VARS2: variants seen among roughly 807,000 people sequenced by gnomAD.
VARS2 encodes valine--tRNA ligase, mitochondrial.
Under a neutral mutation model 154.1 loss-of-function variants are expected in VARS2, and 105 were observed. The observed-to-expected ratio is 0.68, with a 90% confidence interval of 0.58 to 0.80. VARS2 has a LOEUF of 0.80. Among genes scored for constraint, VARS2 ranks in the 30% least tolerant of loss-of-function variants. The probability of loss-of-function intolerance (pLI) is 0.00; values close to 1 mark genes in which losing one functional copy is unlikely to be tolerated. For missense variants in VARS2, 1,157 were observed against 1,361.4 expected, an observed-to-expected ratio of 0.85 and a Z score of 2.36; for synonymous variants, 483 against 539.5, an observed-to-expected ratio of 0.90 and a Z score of 1.45.
At position 30,922,784 on chromosome 6, in the gene VARS2, C is replaced by T. The variant is rs777832415; in HGVS notation, c.2106+10C>T. 9.4e-6 allele frequency: 15 copies of T among 1,603,956 alleles called. No homozygotes were observed. The highest frequency in any genetic ancestry group is 1.7e-4 in the Middle Eastern group (1 of 6,054). On this transcript the variant is annotated intron_variant, in intron 22 of 29. Transcript: ENST00000676266. ...TGTGGCTGCAGCACAGGTGAGTCAT[C>T]GCTGCCTGCCCCCCACCAGCTCTAG...
chr6:30,922,819 T>G, intron 22 of VARS2, 45 bp downstream of exon 22: 11 of 1,584,992 alleles, frequency 6.9e-6, no homozygotes, highest in Non-Finnish European at 8.6e-6. Flanking sequence ...GCTCACCACC[T>G]CTGGCTTCCT....
chr6:30,915,564 G>C (rs1794100854), intron 4 of VARS2, 109 bp downstream of exon 4: 2 of 1,436,752 alleles, frequency 1.4e-6, no homozygotes, highest in Non-Finnish European at 1.9e-6. Context: ...TCTTCTTTCT[G>C]GCTCTGGTGT....
At chr6:30,914,379 G>C in intron 1 of VARS2, 35 bp downstream of exon 1, 2 of 1,252,532 alleles carry the variant, frequency 1.6e-6, no homozygotes, top group Non-Finnish European at 2.0e-6. Context: ...CGGGAAGTGG[G>C]AGACGCTGCG....
At position 30,922,793 on chromosome 6, in the gene VARS2, C is replaced by T; in HGVS notation, c.2106+19C>T. ...AGCACAGGTGAGTCATCGCTGCCTG[C>T]CCCCCACCAGCTCTAGCTCACCACC... On this transcript the variant is annotated intron_variant, in intron 22 of 29. Transcript: ENST00000676266. 7 of 1,595,816 alleles carry T rather than the reference C, an allele frequency of 4.4e-6. No individual in the cohort carries two copies. The highest frequency in any genetic ancestry group is 1.1e-5 in the South Asian group (1 of 89,302).
At chr6:30,923,832 A>G (rs996470042) in intron 25 of VARS2, 1 of 417,538 alleles carries the variant, frequency 2.4e-6, no homozygotes, top group Non-Finnish European at 4.3e-6. Flanking sequence ...GCGTGCTGAG[A>G]GAGGCCTGGG....
chr6:30,925,795 A>G, intron 28 of VARS2, 76 bp downstream of exon 28: 3 of 1,610,872 alleles, frequency 1.9e-6, no homozygotes, highest in East Asian at 2.2e-5. Flanking sequence ...TGGGCTCTAT[A>G]AAGTAGGGGA....
At position 30,926,162 on chromosome 6, in the gene VARS2, C is replaced by G. The variant is rs1317970706; in HGVS notation, c.3144C>G (p.Leu1048=). The G allele has an allele frequency of 2.1e-5, 34 of 1,613,140 alleles. No homozygotes were observed. Among genetic ancestry groups the G allele is most frequent in the Non-Finnish European group, 2.9e-5 (34 of 1,180,040 alleles). The stretch of plus-strand genomic sequence containing the variant: ...AACTGGACAAGGCAGCCTCTCACCT[C>G]CGGCAGCTGATGGATGAGCCTCCAG... ...LSKLDKAASH[L]RQLMDEPPAP... Residue 1048 remains leucine (L), a synonymous_variant, in exon 30 of 30, where the codon CTC becomes CTG. Transcript: ENST00000676266.
At position 30,919,866 on chromosome 6, in the gene VARS2, G is replaced by A. The variant is rs751959278; in HGVS notation, c.1165+18G>A. 1 of 1,544,358 alleles carries A rather than the reference G, an allele frequency of 6.5e-7. No individual in the cohort carries two copies. The highest frequency in any genetic ancestry group is 2.0e-5 in the Admixed American group (1 of 50,054). ...GGGCACGGGTGAGTGGAAGTCAGGG[G>A]AGGGAGAGAAAGTTGGGGGTCCTGG... is the stretch of plus-strand genomic sequence containing the variant. On this transcript the variant is annotated intron_variant, in intron 12 of 29. Coordinates refer to ENST00000676266, the MANE Select transcript of VARS2 (RefSeq NM_020442.6). This position sits in a 1 kb window ranked among gnomAD's most constrained non-coding sequence, Gnocchi z 4.5.
rs1463023446 is a variant in VARS2 at position 30,917,821 on chromosome 6, C to T, written c.985+15C>T. The T allele has an allele frequency of 6.4e-7, 1 of 1,551,404 alleles. No individual in the cohort carries two copies. The highest frequency in any genetic ancestry group is 8.7e-7 in the Non-Finnish European group (1 of 1,146,422). On this transcript the variant is annotated intron_variant, in intron 10 of 29. Transcript: ENST00000676266. The surrounding 1 kb of genome is among the most constrained non-coding windows in gnomAD (Gnocchi z 4.4). Reference sequence around the variant, plus strand: ...TGGAGAGCCTGGTGAGCATAGTACTCTGCAGGGTCACCCGTTTACCTCCAT... The same window carrying T: ...TGGAGAGCCTGGTGAGCATAGTACTTTGCAGGGTCACCCGTTTACCTCCAT...
chr6:30,918,384 C>T lies in VARS2; in HGVS notation c.986-443C>T, dbSNP rs149357417. 2.6e-3 allele frequency among the ~76,000 whole-genome samples: 388 copies of T among 152,156 alleles called. 6 individuals carry two copies. Among genetic ancestry groups the T allele is most frequent in the Non-Finnish European group, 1.6e-3 (109 of 67,976 alleles). ...CCTGGCCTCTAAGGTGTGGTTTTTA[C>T]GGTAAATGTTCTGAAGAGCTCAGAG... is the stretch of plus-strand genomic sequence containing the variant. On this transcript the variant is annotated intron_variant, in intron 10 of 29. Transcript: ENST00000676266.
chr6:30,921,103 C>G lies in VARS2; in HGVS notation c.1518C>G (p.Phe506Leu), dbSNP rs371467248. 1.2e-6 allele frequency: 2 copies of G among 1,613,926 alleles called. No homozygotes were observed. The highest frequency in any genetic ancestry group is 2.2e-5 in the South Asian group (2 of 91,040). ...ESGALELSPS[F>L]HQKNWQHWFS... ...GGGCCCTGGAGCTCAGTCCCTCCTT[C>G]CACCAGAAGAACTGGCAGCACTGGT... The change falls in exon 16 of 30, where the codon TTC becomes TTG. Residue 506 changes from phenylalanine to leucine, a missense_variant. Coordinates refer to ENST00000676266, the MANE Select transcript of VARS2 (RefSeq NM_020442.6). The surrounding 1 kb of genome is among the most constrained non-coding windows in gnomAD (Gnocchi z 4.6).
At chr6:30,914,561 CAT>C in intron 1 of VARS2, 2 of 1,341,410 alleles carry the variant, frequency 1.5e-6, no homozygotes, top group Non-Finnish European at 9.7e-7. Flanking sequence ...CCCTATCTCT[CAT>C]GTGTCAGTGG....
rs753139152 is a variant in VARS2 at position 30,918,907 on chromosome 6, C to A, written c.1066C>A (p.Arg356=). 7 of 1,612,828 alleles carry A rather than the reference C, an allele frequency of 4.3e-6. No homozygotes were observed. Among genetic ancestry groups the A allele is most frequent in the Non-Finnish European group, 5.9e-6 (7 of 1,180,002 alleles). The change falls in exon 11 of 30, where the codon CGA becomes AGA. Residue 356 remains arginine (R), a synonymous_variant. Coordinates refer to ENST00000676266, the MANE Select transcript of VARS2 (RefSeq NM_020442.6). The part of the protein sequence containing the change: ...VAVAVHPDDS[R]YTHLHGRQLR... ...TGTGGCCGTTCATCCAGACGACTCG[C>A]GATACACAGTAATACCCAGTGCGCT... is the stretch of plus-strand genomic sequence containing the variant.
At chr6:30,914,401 C>T in intron 1 of VARS2, 57 bp downstream of exon 1, 1 of 1,264,850 alleles carries the variant, frequency 7.9e-7, no homozygotes, top group African/African-American at 1.5e-5. Context: ...GTCCTGGGCC[C>T]AGGCCTTGGG....
At position 30,921,602 on chromosome 6, in the gene VARS2, G is replaced by A. The variant is rs1197313244; in HGVS notation, c.1646G>A (p.Cys549Tyr). The A allele has an allele frequency of 1.9e-6, 3 of 1,606,908 alleles. No homozygotes were observed. The highest frequency in any genetic ancestry group is 3.4e-5 in the Admixed American group (2 of 58,728). Residue 549 changes from cysteine (C) to tyrosine (Y), a missense_variant, in exon 18 of 30, where the codon TGT (cysteine) becomes TAT (tyrosine). Transcript: ENST00000676266. The surrounding 1 kb of genome is among the most constrained non-coding windows in gnomAD (Gnocchi z 4.6). ...CTACTTTTGCAGGGAGAAGAGGACT[G>A]TTGGGTGGTTGGGCGGTCAGAGGCT... ...VEDHAQGEED[C>Y]WVVGRSEAEA...
Position 30,916,421 on chromosome 6 carries a change from G to C in VARS2, c.671+172G>C, listed in dbSNP as rs970609448. 5.0e-5 allele frequency: 29 copies of C among 583,584 alleles called. No individual in the cohort carries two copies. The highest frequency in any genetic ancestry group is 7.8e-5 in the Non-Finnish European group (26 of 331,984). 36.2% of individuals were successfully genotyped at this position (583,584 alleles called of 1,614,324 possible). On this transcript the variant is annotated intron_variant, in intron 7 of 29. Coordinates refer to ENST00000676266, the MANE Select transcript of VARS2 (RefSeq NM_020442.6). This position sits in a 1 kb window ranked among gnomAD's most constrained non-coding sequence, Gnocchi z 4.0. ...ATTTGGTGGAGTTTCTAAGCCTTATGTGTGTGGATATTATATATGCATTAG... is the reference window on the plus strand; with the variant it reads ...ATTTGGTGGAGTTTCTAAGCCTTATCTGTGTGGATATTATATATGCATTAG...
rs1050580407 is a variant in VARS2, at chr6:30,920,098, A to G, written c.1175A>G (p.Lys392Arg). ...VQPHVGTGAV[K>R]VTPAHSPADA... Reference sequence around the variant, plus strand: ...GGCTGTGCTCCCCAAGGGGCAGTGAAGGTGACTCCAGCTCACAGTCCTGCC... The same window carrying G: ...GGCTGTGCTCCCCAAGGGGCAGTGAGGGTGACTCCAGCTCACAGTCCTGCC... Residue 392 changes from lysine to arginine, a missense_variant, in exon 13 of 30, where the codon AAG (lysine) becomes AGG (arginine). Coordinates refer to ENST00000676266, the MANE Select transcript of VARS2 (RefSeq NM_020442.6). The surrounding 1 kb of genome is among the most constrained non-coding windows in gnomAD (Gnocchi z 4.6). The G allele has an allele frequency of 1.3e-6, 2 of 1,544,744 alleles. No homozygotes were observed. The highest frequency in any genetic ancestry group is 2.8e-5 in the African/African-American group (2 of 72,688).
In VARS2 at chr6:30,920,791, G is replaced by C; in HGVS notation, c.1479+42G>C. The C allele has an allele frequency of 6.8e-7, 1 of 1,473,940 alleles. No homozygotes were observed. Among genetic ancestry groups the C allele is most frequent in the Middle Eastern group, 1.8e-4 (1 of 5,606 alleles). 91.3% of individuals were successfully genotyped at this position (1,473,940 alleles called of 1,614,324 possible). On this transcript the variant is annotated intron_variant, in intron 15 of 29. Transcript: ENST00000676266. The surrounding 1 kb of genome is among the most constrained non-coding windows in gnomAD (Gnocchi z 4.6). ...GGAAGGACTGGGGCCAGGGGTTGGG[G>C]GAGCTCCCTGAGAATTGGAATGAAG...
chr6:30,916,223 TAGGG>T lies in VARS2; in HGVS notation c.649_652del (p.Glu217CysfsTer40). 1 of 1,613,066 alleles carries T rather than the reference TAGGG, an allele frequency of 6.2e-7. No homozygotes were observed. Among genetic ancestry groups the T allele is most frequent in the Non-Finnish European group, 8.5e-7 (1 of 1,179,468 alleles). On this transcript the variant is annotated frameshift_variant, in exon 7 of 30. Coordinates refer to ENST00000676266, the MANE Select transcript of VARS2 (RefSeq NM_020442.6). LOFTEE classifies it high-confidence loss of function. This position sits in a 1 kb window ranked among gnomAD's most constrained non-coding sequence, Gnocchi z 4.0. ...ATGAGCTGAGCCGGGAGGCCTTCCTTAGGGAGGTGTGGCAGTGGAAGGAGGCGTG... is the reference window on the plus strand; with the variant it reads ...ATGAGCTGAGCCGGGAGGCCTTCCTTAGGTGTGGCAGTGGAAGGAGGCGTG...
Sources: allele counts gnomAD v4.1 joint callset (sites outside exome capture counted in the v4.1 genomes callset), GRCh38; gene constraint gnomAD v4.1.1; non-coding constraint Gnocchi (gnomAD v3.1); transcripts MANE v1.5; gene names NCBI Gene and HGNC (gene_info 2026-07-23, HGNC 2026-07-21).